Variants in C8orf34 observed in about 807,000 individuals in gnomAD.
C8orf34 encodes uncharacterized protein C8orf34.
A neutral mutation model predicts 68.3 loss-of-function variants in C8orf34; 65 were observed. The ratio of observed to expected loss-of-function variants is 0.95; its 90% CI spans 0.78 to 1.17. C8orf34 has a LOEUF of 1.17. Ranked by LOEUF, C8orf34 falls within the 50% of genes most tolerant of loss-of-function variation. The pLI is 0.00. For synonymous variants in C8orf34, 244 were observed against 241.2 expected, an observed-to-expected ratio of 1.01 and a Z score of -0.11; for missense variants, 664 against 655.4, an observed-to-expected ratio of 1.01 and a Z score of -0.14.
intron 13 of C8orf34, among the ~76,000 whole-genome samples, chr8:68,817,216 C>T (rs549742277): frequency 6.6e-6 from 1 of 152,158 alleles, no homozygotes; most frequent in South Asian, 2.1e-4. Flanking sequence ...AGAAAATGCG[C>T]TGATGGTGAT....
intron 7 of C8orf34, among the ~76,000 whole-genome samples, chr8:68,632,394 G>A (rs780522697): frequency 8.5e-5 from 13 of 152,162 alleles, no homozygotes; most frequent in South Asian, 2.1e-4. Context: ...GCCCATATTC[G>A]TTCACAAAGA....
At chr8:68,371,216 A>G (rs968765286) in intron 1 of C8orf34, among the ~76,000 whole-genome samples, 5 of 152,122 alleles carry the variant, frequency 3.3e-5, no homozygotes, top group African/African-American at 1.2e-4. Context: ...TTCTCACTCA[A>G]TGCCATAACT....
chr8:68,789,087 T>C (rs1823921385), intron 12 of C8orf34, among the ~76,000 whole-genome samples: 1 of 152,230 alleles, frequency 6.6e-6, no homozygotes, highest in Admixed American at 6.5e-5. Context: ...TCCCCCCATC[T>C]TCCCACATAT....
intron 3 of C8orf34, among the ~76,000 whole-genome samples, chr8:68,457,287 T>C (rs149887933): frequency 6.6e-6 from 1 of 152,148 alleles, no homozygotes; most frequent in African/African-American, 2.4e-5. Context: ...AAGACAGAAG[T>C]ACAATAGCTG....
At chr8:68,428,304 G>C (rs891771818) in intron 1 of C8orf34, among the ~76,000 whole-genome samples, 1 of 152,000 alleles carries the variant, frequency 6.6e-6, no homozygotes, top group Admixed American at 6.5e-5. Context: ...TGGCAAATAC[G>C]TGGGTACATC....
intron 8 of C8orf34, among the ~76,000 whole-genome samples, chr8:68,657,400 AC>A (rs576372126): frequency 8.5e-5 from 13 of 152,088 alleles, no homozygotes; most frequent in Non-Finnish European, 1.6e-4. Flanking sequence ...TTGCTTGCCC[AC>A]CCTTCCATGT....
chr8:68,696,465 A>G (rs1820839172), intron 8 of C8orf34, among the ~76,000 whole-genome samples: 1 of 151,324 alleles, frequency 6.6e-6, no homozygotes, highest in South Asian at 2.1e-4. Flanking sequence ...TCCTTAAACA[A>G]CACAGTACTG....
intron 1 of C8orf34, among the ~76,000 whole-genome samples, chr8:68,410,396 A>G (rs950486565): frequency 6.6e-5 from 10 of 152,256 alleles, no homozygotes; most frequent in Non-Finnish European, 2.9e-5. Context: ...ATATCTATTT[A>G]CAGAGAATTT....
At chr8:68,631,055 A>G (rs1330843513) in intron 7 of C8orf34, among the ~76,000 whole-genome samples, 1 of 150,978 alleles carries the variant, frequency 6.6e-6, no homozygotes, top group African/African-American at 2.4e-5. Flanking sequence ...ACTTGAGGTC[A>G]GGAGTTGGAG....
chr8:68,453,642 C>A (rs1811433487), intron 3 of C8orf34, among the ~76,000 whole-genome samples: 1 of 151,894 alleles, frequency 6.6e-6, no homozygotes, highest in Admixed American at 6.6e-5. Flanking sequence ...TTTTGCTGAA[C>A]TAGTTTATTA....
chr8:68,627,300 C>T (rs1281334194), intron 7 of C8orf34, among the ~76,000 whole-genome samples: 1 of 152,066 alleles, frequency 6.6e-6, no homozygotes, highest in African/African-American at 2.4e-5. Flanking sequence ...CTCCTACTGC[C>T]CCTCAAAATC....
intron 1 of C8orf34, among the ~76,000 whole-genome samples, chr8:68,351,060 T>C (rs532551860): frequency 1.3e-5 from 2 of 152,016 alleles, no homozygotes; most frequent in Non-Finnish European, 2.9e-5. Context: ...GTGACACTGG[T>C]CTGCGTGTTT....
At chr8:68,550,953 A>G (rs937919822) in intron 7 of C8orf34, among the ~76,000 whole-genome samples, 12 of 150,070 alleles carry the variant, frequency 8.0e-5, no homozygotes, top group African/African-American at 2.4e-4. Context: ...TTCATCTTCA[A>G]TTTTCTTCAG....
intron 13 of C8orf34, 119 bp from the exon 14 acceptor site, chr8:68,818,120 C>T (rs1183390112): frequency 5.5e-6 from 5 of 914,558 alleles, no homozygotes; most frequent in Admixed American, 4.1e-5. Flanking sequence ...ATGTCAATAT[C>T]CTTTCAAAAG....
At chr8:68,352,042 C>G (rs549607894) in intron 1 of C8orf34, among the ~76,000 whole-genome samples, 1 of 151,392 alleles carries the variant, frequency 6.6e-6, no homozygotes, top group South Asian at 2.1e-4. Context: ...TTGAATCAGA[C>G]TTTTTTTTTA....
intron 4 of C8orf34, among the ~76,000 whole-genome samples, chr8:68,477,497 C>T (rs1007363783): frequency 1.3e-5 from 2 of 152,178 alleles, no homozygotes; most frequent in Non-Finnish European, 2.9e-5. Flanking sequence ...GGAGCACTGC[C>T]TAGTGGCATT....
In C8orf34 at chr8:68,500,679, A is replaced by G. The variant is rs531782730; in HGVS notation, c.765+12628A>G. On this transcript the variant is annotated intron_variant, in intron 5 of 13. Transcript: ENST00000518698. ...AGCCCTCAACACACACACACAGATG[A>G]GAGAGAAAAAAATGGTAGGGCAAAG... is the stretch of plus-strand genomic sequence containing the variant. Among the ~76,000 whole-genome samples the G allele has an allele frequency of 3.3e-5, 5 of 152,258 alleles. No individual in the cohort carries two copies. The South Asian group carries it at 1.0e-3, about 32-fold the overall frequency.
chr8:68,640,462 G>A lies in C8orf34; in HGVS notation c.1192G>A (p.Ala398Thr). 6.2e-7 allele frequency: 1 copy of A among 1,613,896 alleles called. No homozygotes were observed. Among genetic ancestry groups the A allele is most frequent in the Non-Finnish European group, 8.5e-7 (1 of 1,179,896 alleles). ...TAACCAAGGCCGTCCTACTTACCCT[G>A]CTGAGCCTCAGGCCAAGGTCACACT... is the stretch of plus-strand genomic sequence containing the variant. ...KFNQGRPTYP[A>T]EPQAKVTLNI... The change falls in exon 8 of 14, where the codon GCT becomes ACT. Residue 398 changes from alanine to threonine, a missense_variant. Ala to Thr is a moderately conservative substitution (Grantham distance 58, BLOSUM62 0). Transcript: ENST00000518698.
In C8orf34 at chr8:68,493,883, G is replaced by C. The variant is rs555679318; in HGVS notation, c.765+5832G>C. ...CAGACACTGAATCTGCTAGCACCTT[G>C]ATCTGGACTTCCCAGTTTCCAAAAT... On this transcript the variant is annotated intron_variant, in intron 5 of 13. Transcript: ENST00000518698. Among the ~76,000 whole-genome samples the C allele has an allele frequency of 4.9e-4, 74 of 152,258 alleles. 1 individual carries two copies. The highest frequency in any genetic ancestry group is 1.7e-3 in the African/African-American group (70 of 41,562).
Sources: gnomAD v4.1 joint callset for allele counts (sites outside exome capture counted in the v4.1 genomes callset) on GRCh38, gnomAD v4.1.1 for gene constraint, MANE v1.5 for transcripts, NCBI Gene and HGNC (gene_info 2026-07-23, HGNC 2026-07-21) for gene names.